Variants in ZFHX3 observed in about 807,000 individuals in gnomAD.
The protein encoded by ZFHX3 is zinc finger homeobox protein 3.
ZFHX3 carries 42 observed loss-of-function variants against 279.1 expected under a neutral mutation model. The ratio of observed to expected loss-of-function variants is 0.15; its 90% CI spans 0.12 to 0.19. The LOEUF is 0.19. Ranked by LOEUF, ZFHX3 falls within the 10% of genes least tolerant of loss-of-function variation. ZFHX3 has a pLI of 1.00. For synonymous variants in ZFHX3, 2,293 were observed against 1,957.8 expected, an observed-to-expected ratio of 1.17 and a Z score of -4.52; for missense variants, 4,981 against 4,754.0, an observed-to-expected ratio of 1.05 and a Z score of -1.40.
intron 7 of ZFHX3, chr16:73,094,455 G>A (rs1183963): frequency 6.6e-6 from 1 of 151,660 alleles, no homozygotes; most frequent in Non-Finnish European, 1.5e-5. Flanking sequence ...AAATGTGTTT[G>A]TCTTATTCCT....
intron 5 of ZFHX3, among the ~76,000 whole-genome samples, chr16:73,246,942 A>G (rs1476923593): frequency 2.0e-5 from 3 of 152,152 alleles, no homozygotes; most frequent in Non-Finnish European, 2.9e-5. Flanking sequence ...ATTTGCTTCA[A>G]GGTTTTCAGG....
chr16:73,660,091 G>A (rs917582855), intron 2 of ZFHX3, among the ~76,000 whole-genome samples: 1 of 152,128 alleles, frequency 6.6e-6, no homozygotes, highest in African/African-American at 2.4e-5. Context: ...CATTCAGAAC[G>A]GGAAATTGAA....
At chr16:73,853,349 C>T (rs549462804) in intron 1 of ZFHX3, among the ~76,000 whole-genome samples, 1 of 152,134 alleles carries the variant, frequency 6.6e-6, no homozygotes, top group African/African-American at 2.4e-5. Context: ...AAAAAGAAAT[C>T]ATTATATTAA....
chr16:73,116,427 CA>C (rs1966434300), intron 7 of ZFHX3, among the ~76,000 whole-genome samples: 1 of 152,152 alleles, frequency 6.6e-6, no homozygotes, highest in Non-Finnish European at 1.5e-5. Context: ...AAATGTGTAA[CA>C]AACACTCCCT....
intron 1 of ZFHX3, among the ~76,000 whole-genome samples, chr16:73,823,559 G>A (rs1389349959): frequency 6.6e-6 from 1 of 152,198 alleles, no homozygotes; most frequent in Non-Finnish European, 1.5e-5. Context: ...ATGGCCCCCA[G>A]GCCAAATTGT....
chr16:73,263,381 G>A (rs55795236), intron 4 of ZFHX3, among the ~76,000 whole-genome samples: 43,669 of 151,964 alleles, frequency 0.29, 7,198 homozygotes, highest in Non-Finnish European at 0.39. Flanking sequence ...AGAGATGGGG[G>A]TCACAGTATG....
chr16:73,166,485 G>A (rs557118667), intron 5 of ZFHX3, among the ~76,000 whole-genome samples: 14 of 152,162 alleles, frequency 9.2e-5, no homozygotes, highest in East Asian at 1.9e-4. Flanking sequence ...ATGGCTAGAC[G>A]AAGCCACCAA....
chr16:73,129,908 T>C (rs1317301547), intron 7 of ZFHX3, among the ~76,000 whole-genome samples: 1 of 152,094 alleles, frequency 6.6e-6, no homozygotes, highest in Non-Finnish European at 1.5e-5. Flanking sequence ...TGGTTTTAAT[T>C]AACCATCCTC....
At chr16:73,724,306 G>T (rs1427730940) in intron 1 of ZFHX3, among the ~76,000 whole-genome samples, 2 of 152,160 alleles carry the variant, frequency 1.3e-5, no homozygotes, top group South Asian at 4.1e-4. Flanking sequence ...ATGAATACAT[G>T]ACTTATTTCT....
intron 3 of ZFHX3, among the ~76,000 whole-genome samples, chr16:73,319,156 G>A (rs1379630262): frequency 3.3e-5 from 5 of 152,082 alleles, no homozygotes; most frequent in Non-Finnish European, 7.4e-5. Flanking sequence ...GGTAATAGAT[G>A]CGCCATGTGC....
At chr16:73,132,768 C>T (rs1966713316) in intron 6 of ZFHX3, among the ~76,000 whole-genome samples, 1 of 152,184 alleles carries the variant, frequency 6.6e-6, no homozygotes, top group South Asian at 2.1e-4. Flanking sequence ...TTAATCGTGT[C>T]ACAGTCACAG....
intron 3 of ZFHX3, among the ~76,000 whole-genome samples, chr16:72,892,274 G>A (rs954045309): frequency 6.6e-6 from 1 of 152,154 alleles, no homozygotes; most frequent in East Asian, 1.9e-4. Flanking sequence ...CAACTTGTAC[G>A]TAAGAATGGG....
intron 5 of ZFHX3, among the ~76,000 whole-genome samples, chr16:73,161,683 G>C (rs1967239206): frequency 6.6e-6 from 1 of 152,186 alleles, no homozygotes; most frequent in Non-Finnish European, 1.5e-5. Context: ...GACCTACTGA[G>C]TTTGCCTTTC....
intron 7 of ZFHX3, chr16:73,127,419 T>A (rs1196671023): frequency 7.7e-7 from 1 of 1,305,408 alleles, no homozygotes; most frequent in Admixed American, 2.3e-5. Context: ...TCCCAGGTAG[T>A]AGCTGGAGCA....
At chr16:73,409,124 GC>G (rs1395124177) in intron 3 of ZFHX3, among the ~76,000 whole-genome samples, 1 of 152,210 alleles carries the variant, frequency 6.6e-6, no homozygotes, top group Non-Finnish European at 1.5e-5. Context: ...CAAATGAGCA[GC>G]TTACTTGCTA....
intron 1 of ZFHX3, among the ~76,000 whole-genome samples, chr16:72,994,696 A>G (rs556712313): frequency 9.1e-4 from 139 of 152,346 alleles, no homozygotes; most frequent in African/African-American, 3.2e-3. Context: ...GCTGCCTCCT[A>G]ACACTTGTTT....
chr16:73,369,613 A>G (rs1472371184), intron 3 of ZFHX3, among the ~76,000 whole-genome samples: 1 of 152,112 alleles, frequency 6.6e-6, no homozygotes, highest in African/African-American at 2.4e-5. Context: ...CCACCACAAA[A>G]CAGCATGCCA....
rs2039308186 is a variant in ZFHX3, at chr16:72,911,230, T to C, written c.3217-21268A>G. Among the ~76,000 whole-genome samples the C allele has an allele frequency of 2.0e-5, 3 of 152,316 alleles. 1 individual carries two copies. The highest frequency in any genetic ancestry group is 4.4e-5 in the Non-Finnish European group (3 of 68,034). On this transcript the variant is annotated intron_variant, in intron 3 of 9. Coordinates refer to ENST00000268489, the MANE Select transcript of ZFHX3 (RefSeq NM_006885.4). ...GCCAGCTTAATTCTGCCACAGGAGTTAATATTTGTTAATTGGTAGAAAAAG... is the reference window on the plus strand; with the variant it reads ...GCCAGCTTAATTCTGCCACAGGAGTCAATATTTGTTAATTGGTAGAAAAAG...
intron 5 of ZFHX3, among the ~76,000 whole-genome samples, chr16:73,196,219 A>G (rs1400014035): frequency 6.7e-6 from 1 of 148,860 alleles, no homozygotes; most frequent in Non-Finnish European, 1.5e-5. Flanking sequence ...ACAGGTCTTC[A>G]ACTGCTTTAA....
Sources: allele counts gnomAD v4.1 joint callset (sites outside exome capture counted in the v4.1 genomes callset), GRCh38; gene constraint gnomAD v4.1.1; transcripts MANE v1.5; gene names NCBI Gene and HGNC (gene_info 2026-07-23, HGNC 2026-07-21).